DAPL1: variants seen among roughly 807,000 people sequenced by gnomAD.
The protein encoded by DAPL1 is death associated protein like 1.
Under a neutral mutation model 12.9 loss-of-function variants are expected in DAPL1, and 17 were observed. The ratio of observed to expected loss-of-function variants is 1.32; its 90% CI spans 0.90 to 1.98. The LOEUF is 1.98. Among genes scored for constraint, DAPL1 ranks in the 30% most tolerant of loss-of-function variants. The pLI, the probability that DAPL1 is intolerant of heterozygous loss-of-function variation, is 0.00. For synonymous variants in DAPL1, 51 were observed against 42.0 expected (o/e 1.21, Z -0.82); for missense variants, 157 against 125.7 (o/e 1.25, Z -1.19).
chr2:158,805,967 C>T lies in DAPL1; in HGVS notation c.147-1088C>T, dbSNP rs540056233. On this transcript the variant is annotated intron_variant, in intron 2 of 3. Coordinates refer to ENST00000309950, the MANE Select transcript of DAPL1 (RefSeq NM_001017920.3). Reference sequence around the variant, plus strand: ...ATGACCGATATGAAATGGGTAGGGCCCCTCCCAGGGCCTTGGGAGGAGCCA... The same window carrying T: ...ATGACCGATATGAAATGGGTAGGGCTCCTCCCAGGGCCTTGGGAGGAGCCA... Among the ~76,000 whole-genome samples the T allele has an allele frequency of 1.4e-3, 203 of 147,890 alleles. 18 individuals carry two copies. The highest frequency in any genetic ancestry group is 2.4e-3 in the Non-Finnish European group (160 of 65,988).
intron 1 of DAPL1, among the ~76,000 whole-genome samples, chr2:158,803,735 G>A (rs1367566296): frequency 6.6e-6 from 1 of 152,198 alleles, no homozygotes; most frequent in African/African-American, 2.4e-5. Context: ...GAGTTTTGGG[G>A]TCTGGATGGA....
At chr2:158,804,955 G>A (rs962782813) in intron 2 of DAPL1, among the ~76,000 whole-genome samples, 2 of 152,196 alleles carry the variant, frequency 1.3e-5, no homozygotes, top group South Asian at 2.1e-4. Context: ...GGCTGGATCA[G>A]GTAAGCAAAT....
intron 2 of DAPL1, among the ~76,000 whole-genome samples, chr2:158,805,314 C>G (rs189986614): frequency 6.6e-6 from 1 of 152,292 alleles, no homozygotes; most frequent in East Asian, 1.9e-4. Flanking sequence ...CTGATTCGCT[C>G]CATTAGCAGC....
intron 3 of DAPL1, among the ~76,000 whole-genome samples, chr2:158,813,776 C>G (rs565596742): frequency 6.6e-6 from 1 of 152,100 alleles, no homozygotes; most frequent in East Asian, 1.9e-4. Context: ...AGGATGGTCT[C>G]GATCGCCTGA....
At chr2:158,810,351 G>T (rs919492974) in intron 3 of DAPL1, among the ~76,000 whole-genome samples, 1 of 152,008 alleles carries the variant, frequency 6.6e-6, no homozygotes, top group Non-Finnish European at 1.5e-5. Flanking sequence ...CACATCCTCT[G>T]CATTTATTAA....
chr2:158,809,492 G>A (rs2059219756), intron 3 of DAPL1, among the ~76,000 whole-genome samples: 4 of 152,140 alleles, frequency 2.6e-5, no homozygotes, highest in African/African-American at 9.7e-5. Flanking sequence ...GCAGGTCCTG[G>A]CATCAGCCAT....
At chr2:158,810,976 G>A (rs1339002766) in intron 3 of DAPL1, among the ~76,000 whole-genome samples, 1 of 152,178 alleles carries the variant, frequency 6.6e-6, no homozygotes, top group Non-Finnish European at 1.5e-5. Flanking sequence ...GGCAGGGAGT[G>A]AACAAGAATG....
intron 1 of DAPL1, among the ~76,000 whole-genome samples, chr2:158,800,723 T>C (rs2059162693): frequency 6.6e-6 from 1 of 152,230 alleles, no homozygotes; most frequent in Non-Finnish European, 1.5e-5. Context: ...GTTATCTTAC[T>C]AGATTCCCTA....
chr2:158,813,434 C>A (rs553453386), intron 3 of DAPL1, among the ~76,000 whole-genome samples: 1 of 152,144 alleles, frequency 6.6e-6, no homozygotes, highest in African/African-American at 2.4e-5. Context: ...TTTTATATGC[C>A]CAAACGATGT....
rs142262315 is a variant in DAPL1, at chr2:158,801,585, T to C, written c.59-2697T>C. On this transcript the variant is annotated intron_variant, in intron 1 of 3. Coordinates refer to ENST00000309950, the MANE Select transcript of DAPL1 (RefSeq NM_001017920.3). ...AATTTATGTATATAAAGAATGTGCA[T>C]ATATATATATAATTTAAAGCAGATA... 4.3e-3 allele frequency among the ~76,000 whole-genome samples: 658 copies of C among 151,886 alleles called. 3 individuals carry two copies. Among genetic ancestry groups the C allele is most frequent in the Non-Finnish European group, 7.2e-3 (486 of 67,912 alleles).
intron 1 of DAPL1, among the ~76,000 whole-genome samples, chr2:158,799,239 C>T (rs2059152304): frequency 6.6e-6 from 1 of 152,120 alleles, no homozygotes; most frequent in Non-Finnish European, 1.5e-5. Context: ...GACTGAAAGT[C>T]TTAATTTACA....
At chr2:158,795,471 C>A in intron 1 of DAPL1, 41 bp downstream of exon 1, 1 of 1,540,764 alleles carries the variant, frequency 6.5e-7, no homozygotes, top group Non-Finnish European at 8.8e-7. Flanking sequence ...GCTGTTGCTG[C>A]TCCCCTCTTC....
At chr2:158,812,900 G>T (rs977830976) in intron 3 of DAPL1, among the ~76,000 whole-genome samples, 3 of 151,604 alleles carry the variant, frequency 2.0e-5, no homozygotes, top group Non-Finnish European at 2.9e-5. Flanking sequence ...TTGAAAGTAG[G>T]GACTCAGAAC....
chr2:158,806,363 T>C (rs1277138661), intron 2 of DAPL1, among the ~76,000 whole-genome samples: 2 of 152,118 alleles, frequency 1.3e-5, no homozygotes, highest in African/African-American at 4.8e-5. Flanking sequence ...GAGTACAAGC[T>C]GTAGACGGTT....
Position 158,807,042 on chromosome 2 carries a change from T to C in DAPL1, c.147-13T>C, listed in dbSNP as rs2059206336. 1 of 1,611,812 alleles carries C rather than the reference T, an allele frequency of 6.2e-7. No homozygotes were observed. The highest frequency in any genetic ancestry group is 1.7e-5 in the Admixed American group (1 of 59,938). On this transcript the variant is annotated splice_polypyrimidine_tract_variant and intron_variant, in intron 2 of 3. Coordinates refer to ENST00000309950, the MANE Select transcript of DAPL1 (RefSeq NM_001017920.3). ...TTTTAAGTCCTGTTCAAAGTTTCTT[T>C]TCATCTTCACAGTGCCATTGCAAAT...
intron 2 of DAPL1, 115 bp downstream of exon 2, chr2:158,804,484 G>A (rs1249282778): frequency 5.8e-6 from 4 of 689,582 alleles, no homozygotes; most frequent in East Asian, 2.8e-5. Flanking sequence ...GCCAGAGAAG[G>A]GGGCAGGAGG....
intron 1 of DAPL1, among the ~76,000 whole-genome samples, chr2:158,798,107 A>G (rs1292296421): frequency 6.6e-6 from 1 of 152,212 alleles, no homozygotes; most frequent in Non-Finnish European, 1.5e-5. Context: ...TGATGAATAG[A>G]AAGAAGAGCA....
In DAPL1 at chr2:158,807,071, G is replaced by A. The variant is rs772126271; in HGVS notation, c.163G>A (p.Ala55Thr). 41 of 1,612,178 alleles carry A rather than the reference G, an allele frequency of 2.5e-5. No individual in the cohort carries two copies. Among genetic ancestry groups the A allele is most frequent in the Non-Finnish European group, 2.8e-5 (33 of 1,178,856 alleles). ...FEKTSAIANV[A>T]KIQTLDALND... ...TCTTCACAGTGCCATTGCAAATGTT[G>A]CCAAAATACAGACACTGGATGCCCT... Residue 55 changes from alanine (A) to threonine (T), a missense_variant, in exon 3 of 4, where the codon GCC (alanine) becomes ACC (threonine). By Grantham distance (58) the Ala-to-Thr change is moderately conservative. Transcript: ENST00000309950.
At chr2:158,804,390 TC>T in intron 2 of DAPL1, 21 bp downstream of exon 2, 1 of 1,562,548 alleles carries the variant, frequency 6.4e-7, no homozygotes, top group Non-Finnish European at 8.8e-7. Context: ...TTAATTTTTC[TC>T]CATCACCTTG....
Sources: gnomAD v4.1 joint callset for allele counts (sites outside exome capture counted in the v4.1 genomes callset) on GRCh38, gnomAD v4.1.1 for gene constraint, MANE v1.5 for transcripts, NCBI Gene and HGNC (gene_info 2026-07-23, HGNC 2026-07-21) for gene names.